The following TYW1B variants were observed in gnomAD, a reference collection of about 807,000 sequenced individuals.
TYW1B encodes tRNA-yW synthesizing protein 1 homolog B.
In TYW1B, 73 loss-of-function variants were observed where a neutral mutation model predicts 86.9. The ratio of observed to expected loss-of-function variants is 0.84; its 90% confidence interval spans 0.70 to 1.02. The LOEUF (loss-of-function observed/expected upper bound fraction) is 1.02. TYW1B is among the 50% of genes least tolerant of loss of function. The pLI is 0.00. For missense variants in TYW1B, 637 were observed against 827.4 expected (o/e 0.77, Z 2.82); for synonymous variants, 248 against 292.8 (o/e 0.85, Z 1.56).
At chr7:72,591,318 CATAAAT>C (rs1454610097) in intron 13 of TYW1B, among the ~76,000 whole-genome samples, 5 of 151,788 alleles carry the variant, frequency 3.3e-5, no homozygotes, top group Admixed American at 2.6e-4. Context: ...TAATGAAAGA[CATAAAT>C]ATAAACATTG....
In TYW1B at chr7:72,647,213, G is replaced by A. The variant is rs1201471726; in HGVS notation, c.1507-18216C>T. 2.6e-5 allele frequency among the ~76,000 whole-genome samples: 4 copies of A among 152,312 alleles called. No individual in the cohort carries two copies. In the East Asian group the frequency reaches 5.8e-4, roughly 22 times the overall value. ...AAACAGCAATATTCAGTGCTGCCTA[G>A]AGTTTAGCACGACAGGCATATTTGT... On this transcript the variant is annotated intron_variant, in intron 11 of 13. Transcript: ENST00000620995.
chr7:72,726,212 A>C (rs1453832988), intron 9 of TYW1B, among the ~76,000 whole-genome samples: 1 of 152,156 alleles, frequency 6.6e-6, no homozygotes, highest in African/African-American at 2.4e-5. Flanking sequence ...AATGCTTGAA[A>C]CTAAAAATCA....
chr7:72,645,385 T>C (rs1321627741), intron 11 of TYW1B, among the ~76,000 whole-genome samples: 1 of 152,200 alleles, frequency 6.6e-6, no homozygotes, highest in Non-Finnish European at 1.5e-5. Context: ...CACTATCTAC[T>C]AATGATGACT....
chr7:72,599,860 G>A (rs1811617246), intron 13 of TYW1B, among the ~76,000 whole-genome samples: 1 of 151,890 alleles, frequency 6.6e-6, no homozygotes, highest in African/African-American at 2.4e-5. Flanking sequence ...AACAAAGTCT[G>A]ATTAAAAAAA....
intron 1 of TYW1B, 150 bp downstream of exon 1, chr7:72,827,922 C>T: frequency 6.8e-7 from 1 of 1,466,622 alleles, no homozygotes; most frequent in Non-Finnish European, 9.3e-7. Flanking sequence ...GATCGGTCCT[C>T]CTTGCTCTCA....
intron 3 of TYW1B, among the ~76,000 whole-genome samples, chr7:72,813,562 T>C (rs1324094585): frequency 6.6e-6 from 1 of 152,194 alleles, no homozygotes; most frequent in Non-Finnish European, 1.5e-5. Flanking sequence ...AGACCTGAGA[T>C]TCTGCATTTC....
At position 72,754,056 on chromosome 7, in the gene TYW1B, C is replaced by T. The variant is rs569688847; in HGVS notation, c.965-9455G>A. 5.3e-5 allele frequency among the ~76,000 whole-genome samples: 8 copies of T among 152,270 alleles called. No individual in the cohort carries two copies. In the South Asian group the frequency reaches 1.7e-3, roughly 32 times the overall value. On this transcript the variant is annotated intron_variant, in intron 7 of 13. Transcript: ENST00000620995. ...ACTTCAACAAGGGTTATTTCCCTCT[C>T]TTATCACATATAAACAAGCCTGTCT... is the stretch of plus-strand genomic sequence containing the variant.
At chr7:72,649,613 T>A (rs13235562) in intron 11 of TYW1B, among the ~76,000 whole-genome samples, 25 of 152,140 alleles carry the variant, frequency 1.6e-4, no homozygotes, top group Admixed American at 1.6e-3. Context: ...ATAGAAATAA[T>A]TGGACTCCAT....
At position 72,707,529 on chromosome 7, in the gene TYW1B, A is replaced by C. The variant is rs35546088; in HGVS notation, c.1370+6092T>G. On this transcript the variant is annotated intron_variant, in intron 10 of 13. Transcript: ENST00000620995. Reference sequence around the variant, plus strand: ...TCAAGAAATGGCTTTTTTCTTGTCTAATCACCACCAGGCCTATTAACATGA... The same window carrying C: ...TCAAGAAATGGCTTTTTTCTTGTCTCATCACCACCAGGCCTATTAACATGA... 7.9e-5 allele frequency among the ~76,000 whole-genome samples: 12 copies of C among 152,354 alleles called. No individual in the cohort carries two copies. The South Asian group carries it at 1.2e-3, about 16-fold the overall frequency.
At chr7:72,818,076 T>TAAAA (rs76441894) in intron 2 of TYW1B, among the ~76,000 whole-genome samples, 1 of 132,886 alleles carries the variant, frequency 7.5e-6, no homozygotes, top group African/African-American at 2.8e-5. Flanking sequence ...AGCTGGCTGT[T>TAAAA]AAAAAAAAAA....
intron 10 of TYW1B, among the ~76,000 whole-genome samples, chr7:72,703,013 TATATA>T (rs1814516537): frequency 5.1e-5 from 2 of 39,442 alleles, no homozygotes; most frequent in African/African-American, 7.4e-5. Context: ...TATATATATA[TATATA>T]TATATATATT....
At chr7:72,803,610 A>T (rs1213323326) in intron 5 of TYW1B, among the ~76,000 whole-genome samples, 1 of 151,908 alleles carries the variant, frequency 6.6e-6, no homozygotes, top group Non-Finnish European at 1.5e-5. Flanking sequence ...CGTTAGAGAG[A>T]TTTTTTTGTT....
chr7:72,716,805 A>AT (rs71071904), intron 9 of TYW1B, among the ~76,000 whole-genome samples: 15,946 of 136,376 alleles, frequency 0.12, 1,230 homozygotes, highest in East Asian at 0.32. Context: ...CGTCTGGCTA[A>AT]TTTTTTTTTT....
chr7:72,644,323 G>T (rs1812873813), intron 11 of TYW1B, among the ~76,000 whole-genome samples: 1 of 152,120 alleles, frequency 6.6e-6, no homozygotes, highest in South Asian at 2.1e-4. Flanking sequence ...GTTGACGTGG[G>T]CGGATCACAA....
chr7:72,777,658 G>A (rs1379615724), intron 6 of TYW1B, 125 bp from the exon 7 acceptor site: 6 of 1,139,488 alleles, frequency 5.3e-6, no homozygotes, highest in Non-Finnish European at 7.4e-6. Context: ...GCTCACGCCT[G>A]TAATCCCAGC....
intron 13 of TYW1B, among the ~76,000 whole-genome samples, chr7:72,595,948 G>A (rs1811520119): frequency 6.6e-6 from 1 of 151,866 alleles, no homozygotes; most frequent in African/African-American, 2.4e-5. Context: ...GGCCAAGGCA[G>A]GGAGATCACC....
chr7:72,763,288 T>C (rs199750712), intron 7 of TYW1B, among the ~76,000 whole-genome samples: 11,014 of 142,850 alleles, frequency 0.077, 737 homozygotes, highest in East Asian at 0.3. Flanking sequence ...TTTTCTTTTT[T>C]TTTTTTTTTT....
chr7:72,681,226 C>T (rs1365391260), intron 11 of TYW1B, among the ~76,000 whole-genome samples: 3 of 152,202 alleles, frequency 2.0e-5, no homozygotes, highest in African/African-American at 7.2e-5. Flanking sequence ...AAGAGGAGAT[C>T]GGATAAATGC....
chr7:72,634,356 CT>C (rs797035075), intron 11 of TYW1B, among the ~76,000 whole-genome samples: 14 of 110,856 alleles, frequency 1.3e-4, no homozygotes, highest in Non-Finnish European at 2.1e-4. Context: ...TTTTTTTTTT[CT>C]TTTTTTTTTT....
Sources: gnomAD v4.1 joint callset for allele counts (sites outside exome capture counted in the v4.1 genomes callset) on GRCh38, gnomAD v4.1.1 for gene constraint, MANE v1.5 for transcripts, NCBI Gene and HGNC (gene_info 2026-07-23, HGNC 2026-07-21) for gene names.